Variants in TTN observed in about 807,000 individuals in gnomAD.
The protein encoded by TTN is connectin.
TTN carries 1,525 observed loss-of-function variants against 3,223.0 expected under a neutral mutation model. The ratio of observed to expected loss-of-function variants is 0.47; its 90% confidence interval spans 0.45 to 0.49. TTN has a LOEUF of 0.49. Ranked by LOEUF, TTN falls within the 20% of genes least tolerant of loss-of-function variation. The pLI is 0.00. For missense variants in TTN, 40,786 were observed against 43,424.0 expected (o/e 0.94, Z 5.40); for synonymous variants, 14,094 against 15,161.0 (o/e 0.93, Z 5.17).
intron 216 of TTN, 52 bp downstream of exon 216, chr2:178,646,433 T>C (rs1483402341): frequency 5.4e-5 from 67 of 1,248,874 alleles, no homozygotes; most frequent in Admixed American, 1.2e-4. Context: ...ACCATATACA[T>C]TTCAAGAGAA....
chr2:178,589,766 G>A lies in TTN; in HGVS notation c.61959C>T (p.Thr20653=), dbSNP rs2154183992. 1 of 1,613,498 alleles carries A rather than the reference G, an allele frequency of 6.2e-7. No homozygotes were observed. The highest frequency in any genetic ancestry group is 2.2e-5 in the East Asian group (1 of 44,796). The stretch of plus-strand genomic sequence containing the variant: ...CCAGAATGGGAGTTTTTGTTTCGAT[G>A]GTTGGCCCAACACCTACTTTATTCT... ...CAENKVGVGP[T]IETKTPILAI... is the part of the protein sequence containing the mutation. Residue 20653 remains threonine, a synonymous_variant, in exon 304 of 363, where the codon ACC becomes ACT. Coordinates refer to ENST00000589042, the MANE Select transcript of TTN (RefSeq NM_001267550.2).
chr2:178,610,499 G>T, intron 270 of TTN, 110 bp from the exon 271 acceptor site: 1 of 1,156,550 alleles, frequency 8.6e-7, no homozygotes, highest in Non-Finnish European at 1.2e-6. Context: ...AATCTTTGAT[G>T]TGCTGGAGTG....
chr2:178,729,760 T>C lies in TTN; in HGVS notation c.18493A>G (p.Ile6165Val), dbSNP rs886055296. The change falls in exon 63 of 363, where the codon ATT becomes GTT. Residue 6165 changes from isoleucine (I) to valine (V), a missense_variant. Coordinates refer to ENST00000589042, the MANE Select transcript of TTN (RefSeq NM_001267550.2). ...CTATTTTCTACCCTGGCACCAGAAA[T>C]CTGGAAAGTGGCTAAACCATCAATG... Reference protein sequence around the residue: ...SFIDGLATFQISGARVENSGT... With the variant: ...SFIDGLATFQVSGARVENSGT... 6.2e-7 allele frequency: 1 copy of C among 1,613,744 alleles called. No homozygotes were observed. Among genetic ancestry groups the C allele is most frequent in the Non-Finnish European group, 8.5e-7 (1 of 1,179,730 alleles).
intron 316 of TTN, 92 bp downstream of exon 316, chr2:178,581,407 T>G (rs1263444411): frequency 9.0e-7 from 1 of 1,114,104 alleles, no homozygotes; most frequent in African/African-American, 1.6e-5. Context: ...TACACCTTGT[T>G]AATAAATTAA....
At position 178,599,623 on chromosome 2, in the gene TTN, C is replaced by G; in HGVS notation, c.56278G>C (p.Gly18760Arg). Reference protein sequence around the residue: ...VIPQSRRSDTGLYTITAVNNL... With the variant: ...VIPQSRRSDTRLYTITAVNNL... ...TTTACAGCTGTGATGGTATATAAGCCAGTGTCACTCCTGCGAGACTGCGGA... is the reference window on the plus strand; with the variant it reads ...TTTACAGCTGTGATGGTATATAAGCGAGTGTCACTCCTGCGAGACTGCGGA... The change falls in exon 289 of 363, where the codon GGC (glycine) becomes CGC (arginine). Residue 18760 changes from glycine (G) to arginine (R), a missense_variant. By Grantham distance (125) the Gly-to-Arg change is moderately radical. Coordinates refer to ENST00000589042, the MANE Select transcript of TTN (RefSeq NM_001267550.2). 1 of 1,611,684 alleles carries G rather than the reference C, an allele frequency of 6.2e-7. No homozygotes were observed.
Position 178,542,858 on chromosome 2 carries a change from G to T in TTN, c.96996C>A (p.Gly32332=). The T allele has an allele frequency of 6.2e-7, 1 of 1,613,782 alleles. No individual in the cohort carries two copies. The highest frequency in any genetic ancestry group is 8.5e-7 in the Non-Finnish European group (1 of 1,179,768). The stretch of plus-strand genomic sequence containing the variant: ...ACCAGGAAGCAGCAGGAGGTGGACG[G>T]CCAGCAATAGGTATCACCAGCTCTA... The part of the protein sequence containing the change: ...RPVELVIPIA[G]RPPPAASWFF... The change falls in exon 348 of 363, where the codon GGC becomes GGA. Residue 32332 remains glycine, a synonymous_variant. Coordinates refer to ENST00000589042, the MANE Select transcript of TTN (RefSeq NM_001267550.2).
chr2:178,591,901 A>T lies in TTN; in HGVS notation c.59927-9T>A. ...GGGTGGCCCTGGGGGATCTTTTCAA[A>T]GAAGAAGTTATGATGAAAAAGTAAT... On this transcript the variant is annotated splice_polypyrimidine_tract_variant and intron_variant, in intron 302 of 362. Coordinates refer to ENST00000589042, the MANE Select transcript of TTN (RefSeq NM_001267550.2). 6.2e-7 allele frequency: 1 copy of T among 1,605,480 alleles called. No homozygotes were observed. The highest frequency in any genetic ancestry group is 1.3e-5 in the African/African-American group (1 of 74,228).
Position 178,710,758 on chromosome 2 carries a change from A to G in TTN, c.28339T>C (p.Tyr9447His), listed in dbSNP as rs1051050691. 6 of 1,613,874 alleles carry G rather than the reference A, an allele frequency of 3.7e-6. No individual in the cohort carries two copies. The highest frequency in any genetic ancestry group is 4.2e-6 in the Non-Finnish European group (5 of 1,179,830). ...IRSGGKYQIS[Y>H]LENSAHLTVL... ...GTCAGGTGGGCGCTGTTTTCCAGATAACTAATCTGGTACTTTCCGCCACTT... is the reference window on the plus strand; with the variant it reads ...GTCAGGTGGGCGCTGTTTTCCAGATGACTAATCTGGTACTTTCCGCCACTT... The change falls in exon 98 of 363, where the codon TAT (tyrosine) becomes CAT (histidine). Residue 9447 changes from tyrosine to histidine, a missense_variant. Tyr to His is a moderately conservative substitution (Grantham distance 83). Coordinates refer to ENST00000589042, the MANE Select transcript of TTN (RefSeq NM_001267550.2).
chr2:178,741,842 T>C lies in TTN; in HGVS notation c.11391A>G (p.Thr3797=), dbSNP rs373708340. The C allele has an allele frequency of 5.8e-5, 93 of 1,608,334 alleles. No individual in the cohort carries two copies. Among genetic ancestry groups the C allele is most frequent in the Non-Finnish European group, 7.8e-5 (92 of 1,177,090 alleles). The change falls in exon 48 of 363, where the codon ACA becomes ACG. Residue 3797 remains threonine, a synonymous_variant. Transcript: ENST00000589042. ...AELQLSKINE[T]LELLSESPVY... ...CTGGAGATTCAGACAAAAGTTCAAG[T>C]GTTTCATTTATTTTAGATAATTGAA...
Position 178,539,531 on chromosome 2 carries a change from G to A in TTN, c.98534C>T (p.Thr32845Ile), listed in dbSNP as rs1230480423. The change falls in exon 352 of 363, where the codon ACC becomes ATC. Residue 32845 changes from threonine (T) to isoleucine (I), a missense_variant. Physicochemically the swap from Thr to Ile is moderately conservative, Grantham distance 89. Coordinates refer to ENST00000589042, the MANE Select transcript of TTN (RefSeq NM_001267550.2). ...RREVPKAAWY[T>I]IDSRVRGTSL... ...TGTACCTCGGACTCTGGAATCAATG[G>A]TATACCAGGCGGCTTTAGGCACTTC... 4 of 1,613,750 alleles carry A rather than the reference G, an allele frequency of 2.5e-6. No individual in the cohort carries two copies. Among genetic ancestry groups the A allele is most frequent in the Admixed American group, 1.7e-5 (1 of 60,000 alleles).
In TTN at chr2:178,629,318, G is replaced by A; in HGVS notation, c.44407C>T (p.Leu14803=). Residue 14803 remains leucine, a synonymous_variant, in exon 240 of 363, where the codon CTA becomes TTA. Coordinates refer to ENST00000589042, the MANE Select transcript of TTN (RefSeq NM_001267550.2). The part of the protein sequence containing the change: ...PVEWYLKGKK[L]EPSDKVVPRS... Reference sequence around the variant, plus strand: ...CTTTTTACCTTATCGCTGGGCTCTAGTTTCTTCCCTTTGAGATACCATTCC... The same window carrying A: ...CTTTTTACCTTATCGCTGGGCTCTAATTTCTTCCCTTTGAGATACCATTCC... 1 of 1,612,724 alleles carries A rather than the reference G, an allele frequency of 6.2e-7. No homozygotes were observed. Among genetic ancestry groups the A allele is most frequent in the Non-Finnish European group, 8.5e-7 (1 of 1,179,200 alleles).
intron 161 of TTN, 38 bp from the exon 162 acceptor site, chr2:178,667,357 A>T: frequency 3.2e-6 from 5 of 1,571,846 alleles, no homozygotes; most frequent in Middle Eastern, 1.7e-4. Context: ...TAAAAGTTGT[A>T]AAAACAGTAA....
In TTN at chr2:178,739,814, A is replaced by G. The variant is rs886043404; in HGVS notation, c.13419T>C (p.Leu4473=). 2 of 1,613,708 alleles carry G rather than the reference A, an allele frequency of 1.2e-6. No homozygotes were observed. Among genetic ancestry groups the G allele is most frequent in the Admixed American group, 1.7e-5 (1 of 59,976 alleles). ...ATATAATAGCACACAAAGCATCCCTAAGTTCCATTTTCAGGTTAGCCATTT... is the reference window on the plus strand; with the variant it reads ...ATATAATAGCACACAAAGCATCCCTGAGTTCCATTTTCAGGTTAGCCATTT... ...DPQMANLKME[L]RDALCAIIYE... is the part of the protein sequence containing the mutation. The change falls in exon 48 of 363, where the codon CTT becomes CTC. Residue 4473 remains leucine (L), a synonymous_variant. Coordinates refer to ENST00000589042, the MANE Select transcript of TTN (RefSeq NM_001267550.2).
At position 178,786,035 on chromosome 2, in the gene TTN, G is replaced by C; in HGVS notation, c.2183C>G (p.Ala728Gly). ...REPGHLEESY[A>G]QQTTLEYGYK... ...TCCGTACTCCAAAGTGGTCTGCTGA[G>C]CATAGGATTCTTCAAGATGCCCAGG... Residue 728 changes from alanine (A) to glycine (G), a missense_variant, in exon 14 of 363, where the codon GCT (alanine) becomes GGT (glycine). Transcript: ENST00000589042. 1 of 1,614,122 alleles carries C rather than the reference G, an allele frequency of 6.2e-7. No homozygotes were observed. Among genetic ancestry groups the C allele is most frequent in the Non-Finnish European group, 8.5e-7 (1 of 1,179,998 alleles).
intron 1 of TTN, among the ~76,000 whole-genome samples, chr2:178,805,770 T>G (rs1034833892): frequency 6.6e-6 from 1 of 152,110 alleles, no homozygotes; most frequent in African/African-American, 2.4e-5. Context: ...ATTTGCAAAC[T>G]TTGAATAATG....
At position 178,564,623 on chromosome 2, in the gene TTN, G is replaced by A. The variant is rs774553407; in HGVS notation, c.81509C>T (p.Pro27170Leu). ...KVSECFVARD[P>L]CDPPGRPEAI... ...TTCAGGGCGACCAGGTGGGTCACAT[G>A]GATCACGAGCAACAAAGCATTCTGA... Residue 27170 changes from proline to leucine, a missense_variant, in exon 326 of 363, where the codon CCA becomes CTA. Coordinates refer to ENST00000589042, the MANE Select transcript of TTN (RefSeq NM_001267550.2). 6.2e-7 allele frequency: 1 copy of A among 1,613,488 alleles called. No individual in the cohort carries two copies. The highest frequency in any genetic ancestry group is 1.1e-5 in the South Asian group (1 of 91,072).
In TTN at chr2:178,608,698, C is replaced by T. The variant is rs1356720044; in HGVS notation, c.52313G>A (p.Gly17438Glu). ...TCTTACACGGAAGAGGTACTCTTTTCCTTCAATCAGTTTTGTTACTGAATA... is the reference window on the plus strand; with the variant it reads ...TCTTACACGGAAGAGGTACTCTTTTTCTTCAATCAGTTTTGTTACTGAATA... ...CKYSVTKLIE[G>E]KEYLFRVRAE... Residue 17438 changes from glycine (G) to glutamate (E), a missense_variant, in exon 274 of 363, where the codon GGA becomes GAA. Transcript: ENST00000589042. The T allele has an allele frequency of 5.6e-6, 9 of 1,612,266 alleles. No individual in the cohort carries two copies. The highest frequency in any genetic ancestry group is 7.6e-6 in the Non-Finnish European group (9 of 1,179,128).
Position 178,766,628 on chromosome 2 carries a change from C to G in TTN, c.9472-16G>C. On this transcript the variant is annotated splice_polypyrimidine_tract_variant and intron_variant, in intron 40 of 362. Coordinates refer to ENST00000589042, the MANE Select transcript of TTN (RefSeq NM_001267550.2). ...TCTCAATGACCTGTTGATGGAACAA[C>G]ATAAAAAAACAACAACAACAACAAA... is the stretch of plus-strand genomic sequence containing the variant. 1.3e-6 allele frequency: 2 copies of G among 1,593,290 alleles called. No individual in the cohort carries two copies. The highest frequency in any genetic ancestry group is 1.7e-6 in the Non-Finnish European group (2 of 1,162,856).
chr2:178,669,276 G>C (rs2066534083), intron 159 of TTN, 97 bp downstream of exon 159: 7 of 960,134 alleles, frequency 7.3e-6, no homozygotes, highest in Non-Finnish European at 1.1e-5. Flanking sequence ...TTTTATAAGA[G>C]TTTAGTATAT....
Sources: allele counts gnomAD v4.1 joint callset (sites outside exome capture counted in the v4.1 genomes callset), GRCh38; gene constraint gnomAD v4.1.1; transcripts MANE v1.5; gene names NCBI Gene and HGNC (gene_info 2026-07-23, HGNC 2026-07-21).